Variants in PLXNA4 observed in about 807,000 individuals in gnomAD.
The protein encoded by PLXNA4 is plexin-A4.
A neutral mutation model predicts 191.8 loss-of-function variants in PLXNA4; 44 were observed. The observed-to-expected ratio is 0.23, with a 90% confidence interval of 0.18 to 0.29. PLXNA4 has a LOEUF of 0.29. Among genes scored for constraint, PLXNA4 ranks in the 10% least tolerant of loss-of-function variants. The pLI is 1.00. For synonymous variants in PLXNA4, 1,082 were observed against 1,009.5 expected, an observed-to-expected ratio of 1.07 and a Z score of -1.36; for missense variants, 1,800 against 2,488.8, an observed-to-expected ratio of 0.72 and a Z score of 5.89.
rs35449894 is a variant in PLXNA4, at chr7:132,529,607, C to CTTTTTTTT, written c.-86-20836_-86-20829dup. Among the ~76,000 whole-genome samples, 428 of 136,134 alleles carry CTTTTTTTT rather than the reference C, an allele frequency of 3.1e-3. 9 individuals carry two copies. The highest frequency in any genetic ancestry group is 0.011 in the African/African-American group (406 of 35,894). 89.3% of individuals were successfully genotyped at this position (136,134 alleles called of 152,430 possible). On this transcript the variant is annotated intron_variant, in intron 1 of 31. Transcript: ENST00000321063. The stretch of plus-strand genomic sequence containing the variant: ...TTTAAAAGCTTCCCAAATAGGTATT[C>CTTTTTTTT]TTTTTTTTTTTTTTTTGAGACGGAG...
chr7:132,511,519 CT>C (rs767274857), intron 1 of PLXNA4, among the ~76,000 whole-genome samples: 5 of 152,224 alleles, frequency 3.3e-5, no homozygotes, highest in Non-Finnish European at 5.9e-5. Flanking sequence ...AAAGTCCTCT[CT>C]GACCTTCAGG....
At chr7:132,168,055 T>C (rs760387569) in intron 22 of PLXNA4, among the ~76,000 whole-genome samples, 3 of 151,882 alleles carry the variant, frequency 2.0e-5, no homozygotes, top group Non-Finnish European at 4.4e-5. Context: ...GAAGGAAAAA[T>C]GGAGATTCGA....
intron 3 of PLXNA4, among the ~76,000 whole-genome samples, chr7:132,398,395 G>T (rs1793845976): frequency 6.6e-6 from 1 of 152,202 alleles, no homozygotes; most frequent in African/African-American, 2.4e-5. Context: ...ACTATCACAG[G>T]TTCTATTCGT....
In PLXNA4 at chr7:132,437,587, A is replaced by G. The variant is rs537941710; in HGVS notation, c.1371+51705T>C. On this transcript the variant is annotated intron_variant, in intron 3 of 31. Coordinates refer to ENST00000321063, the MANE Select transcript of PLXNA4 (RefSeq NM_020911.2). ...AAAAAAAGAAAAAAAAAAAAAAAAC[A>G]GAAAAAGCCACCAGCCCTGTACCCT... Among the ~76,000 whole-genome samples, 172 of 148,098 alleles carry G rather than the reference A, an allele frequency of 1.2e-3. 1 individual carries two copies. Among genetic ancestry groups the G allele is most frequent in the Admixed American group, 4.2e-3 (62 of 14,864 alleles).
Position 132,211,136 on chromosome 7 carries a change from G to C in PLXNA4, c.2105C>G (p.Pro702Arg). Reference sequence around the variant, plus strand: ...GATCTTGTCCACTCGCAGCAGCTGGGGGCAGTCCTGGGGACAGAGGGCATG... The same window carrying C: ...GATCTTGTCCACTCGCAGCAGCTGGCGGCAGTCCTGGGGACAGAGGGCATG... Reference protein sequence around the residue: ...EGRVKLPEDCPQLLRVDKILV... With the variant: ...EGRVKLPEDCRQLLRVDKILV... The change falls in exon 10 of 32, where the codon CCC (proline) becomes CGC (arginine). Residue 702 changes from proline to arginine, a missense_variant. Pro to Arg is a moderately radical substitution (Grantham distance 103). Coordinates refer to ENST00000321063, the MANE Select transcript of PLXNA4 (RefSeq NM_020911.2). 6.4e-7 allele frequency: 1 copy of C among 1,556,406 alleles called. No homozygotes were observed.
chr7:132,514,373 C>T (rs1207498957), intron 1 of PLXNA4, among the ~76,000 whole-genome samples: 1 of 152,114 alleles, frequency 6.6e-6, no homozygotes, highest in African/African-American at 2.4e-5. Flanking sequence ...GTTTTACCCA[C>T]TATATAGCAA....
chr7:132,563,173 TC>T (rs1801404414), intron 1 of PLXNA4, among the ~76,000 whole-genome samples: 1 of 56,116 alleles, frequency 1.8e-5, no homozygotes, highest in Non-Finnish European at 4.1e-5. Flanking sequence ...CTCCTTCTCC[TC>T]CTCCTTCTCC....
At chr7:132,445,157 GAAAAAAAA>G (rs71529762) in intron 3 of PLXNA4, among the ~76,000 whole-genome samples, 88 of 53,800 alleles carry the variant, frequency 1.6e-3, no homozygotes, top group Admixed American at 4.0e-3. Context: ...TCCATCTCAG[GAAAAAAAA>G]AAAAAAAAAA....
At chr7:132,385,169 C>T (rs768287797) in intron 3 of PLXNA4, 2 of 1,613,656 alleles carry the variant, frequency 1.2e-6, no homozygotes, top group South Asian at 1.1e-5. Flanking sequence ...AATAAGCCTA[C>T]ACAGCTCTGA....
chr7:132,137,585 G>A (rs73155245), intron 30 of PLXNA4, among the ~76,000 whole-genome samples: 7,063 of 152,182 alleles, frequency 0.046, 250 homozygotes, highest in Non-Finnish European at 0.069. Context: ...TTCCAGATTC[G>A]GCCATAAGCA....
intron 3 of PLXNA4, among the ~76,000 whole-genome samples, chr7:132,432,473 A>G (rs1227273232): frequency 6.6e-6 from 1 of 152,146 alleles, no homozygotes; most frequent in African/African-American, 2.4e-5. Flanking sequence ...TCCCAGATAT[A>G]ATCATCATAA....
intron 5 of PLXNA4, among the ~76,000 whole-genome samples, chr7:132,240,546 T>C (rs1798842281): frequency 6.6e-6 from 1 of 152,208 alleles, no homozygotes; most frequent in Non-Finnish European, 1.5e-5. Flanking sequence ...CCTCAGGTGC[T>C]ACACACTTCA....
In PLXNA4 at chr7:132,165,217, A is replaced by T. The variant is rs776819823; in HGVS notation, c.4287-17T>A. ...GACTCAGTCCTGTCAGCAGTCACCG[A>T]GGGAACCAACGGAACAAGACAAAGA... On this transcript the variant is annotated splice_polypyrimidine_tract_variant and intron_variant, in intron 22 of 31. Transcript: ENST00000321063. 3.7e-6 allele frequency: 6 copies of T among 1,610,798 alleles called. No homozygotes were observed. The highest frequency in any genetic ancestry group is 5.1e-6 in the Non-Finnish European group (6 of 1,178,016).
intron 3 of PLXNA4, among the ~76,000 whole-genome samples, chr7:132,411,012 A>G (rs1415556027): frequency 6.6e-6 from 1 of 152,218 alleles, no homozygotes; most frequent in Non-Finnish European, 1.5e-5. Flanking sequence ...ACGTTTGCCC[A>G]TGACATGATC....
chr7:132,361,725 T>C (rs1803950499), intron 3 of PLXNA4, among the ~76,000 whole-genome samples: 1 of 152,150 alleles, frequency 6.6e-6, no homozygotes, highest in South Asian at 2.1e-4. Context: ...GCCAGGGGAC[T>C]AAATCAAAGC....
At chr7:132,462,314 T>C (rs549846467) in intron 3 of PLXNA4, among the ~76,000 whole-genome samples, 3 of 152,244 alleles carry the variant, frequency 2.0e-5, no homozygotes, top group African/African-American at 4.8e-5. Flanking sequence ...CCAACCCACA[T>C]AGCATAATTA....
chr7:132,306,402 G>C (rs1055219913), intron 3 of PLXNA4, among the ~76,000 whole-genome samples: 3 of 152,150 alleles, frequency 2.0e-5, no homozygotes, highest in South Asian at 4.1e-4. Flanking sequence ...TCCTGGCTCT[G>C]ACCTGGCTCT....
At chr7:132,234,356 T>A (rs1465609039) in intron 5 of PLXNA4, among the ~76,000 whole-genome samples, 1 of 152,192 alleles carries the variant, frequency 6.6e-6, no homozygotes, top group Non-Finnish European at 1.5e-5. Flanking sequence ...CAGGCTGGGC[T>A]GCTCCATCCT....
chr7:132,536,576 C>G (rs1799842325), intron 1 of PLXNA4, among the ~76,000 whole-genome samples: 1 of 152,184 alleles, frequency 6.6e-6, no homozygotes, highest in East Asian at 1.9e-4. Context: ...GCAAACCTGC[C>G]AGATATAGGC....
Sources: gnomAD v4.1 joint callset for allele counts (sites outside exome capture counted in the v4.1 genomes callset) on GRCh38, gnomAD v4.1.1 for gene constraint, MANE v1.5 for transcripts, NCBI Gene and HGNC (gene_info 2026-07-23, HGNC 2026-07-21) for gene names.